The following NAV1 variants were observed in gnomAD, a reference collection of about 807,000 sequenced individuals.
NAV1 encodes the protein neuron navigator 1.
Under a neutral mutation model 175.2 loss-of-function variants are expected in NAV1, and 18 were observed. The observed-to-expected ratio is 0.10, with a 90% confidence interval of 0.07 to 0.15. The LOEUF (loss-of-function observed/expected upper bound fraction) is 0.15. Ranked by LOEUF, NAV1 falls within the 10% of genes least tolerant of loss-of-function variation. The pLI is 1.00. For missense variants in NAV1, 1,731 were observed against 2,436.6 expected (o/e 0.71, Z 6.10); for synonymous variants, 897 against 978.7 (o/e 0.92, Z 1.56).
intron 2 of NAV1, among the ~76,000 whole-genome samples, chr1:201,593,713 C>T (rs772078774): frequency 1.3e-5 from 2 of 152,174 alleles, no homozygotes; most frequent in African/African-American, 2.4e-5. Flanking sequence ...GGCAGTTTAG[C>T]ATGTGTCTGA....
chr1:201,685,078 A>AT (rs1558065237), intron 1 of NAV1, among the ~76,000 whole-genome samples: 1 of 151,518 alleles, frequency 6.6e-6, no homozygotes, highest in African/African-American at 2.4e-5. Context: ...AGAAATTCGC[A>AT]CTGGCCAACA....
chr1:201,715,405 C>T (rs1221244592), intron 2 of NAV1, among the ~76,000 whole-genome samples: 1 of 152,154 alleles, frequency 6.6e-6, no homozygotes, highest in African/African-American at 2.4e-5. Context: ...GGTAATCCAC[C>T]CACTTCGGCC....
chr1:201,725,572 T>C (rs977535444), intron 3 of NAV1, among the ~76,000 whole-genome samples: 1 of 151,112 alleles, frequency 6.6e-6, no homozygotes, highest in Non-Finnish European at 1.5e-5. Flanking sequence ...AGCCCAGGAG[T>C]TGGGGCGGGG....
chr1:201,607,121 T>TTC (rs1436085864), intron 2 of NAV1, among the ~76,000 whole-genome samples: 7 of 138,424 alleles, frequency 5.1e-5, no homozygotes, highest in Non-Finnish European at 8.0e-5. Flanking sequence ...TTTTCTTTTT[T>TTC]TTTTTTTTTT....
upstream of NAV1, among the ~76,000 whole-genome samples, chr1:201,618,544 G>A (rs888565865): frequency 6.6e-6 from 1 of 152,092 alleles, no homozygotes; most frequent in Non-Finnish European, 1.5e-5. Flanking sequence ...GCTCCAATCA[G>A]AGCAAGGTCA....
At chr1:201,656,585 T>C (rs964558543) in intron 1 of NAV1, among the ~76,000 whole-genome samples, 3 of 152,158 alleles carry the variant, frequency 2.0e-5, no homozygotes, top group East Asian at 1.9e-4. Context: ...ATTGGGTTAA[T>C]AGGTTGTATG....
At chr1:201,548,322 C>G (rs1038094409) in intron 1 of NAV1, among the ~76,000 whole-genome samples, 2 of 152,252 alleles carry the variant, frequency 1.3e-5, no homozygotes, top group South Asian at 2.1e-4. Flanking sequence ...TTTCTTGAAG[C>G]CAGAATTCAA....
chr1:201,687,327 A>C (rs1670725397), intron 1 of NAV1, among the ~76,000 whole-genome samples: 1 of 152,168 alleles, frequency 6.6e-6, no homozygotes, highest in African/African-American at 2.4e-5. Context: ...CCAAGGATAC[A>C]TCTATTGTGT....
intron 2 of NAV1, among the ~76,000 whole-genome samples, chr1:201,594,516 G>A (rs1667297814): frequency 6.6e-6 from 1 of 152,206 alleles, no homozygotes; most frequent in African/African-American, 2.4e-5. Context: ...TTTGGTGGCA[G>A]AGCTCCCCAT....
At chr1:201,739,043 T>G (rs547966466) in intron 3 of NAV1, among the ~76,000 whole-genome samples, 1 of 152,218 alleles carries the variant, frequency 6.6e-6, no homozygotes, top group Non-Finnish European at 1.5e-5. Context: ...GAGAGTGAAG[T>G]TACCAGGAGG....
intron 2 of NAV1, among the ~76,000 whole-genome samples, chr1:201,598,534 G>A (rs1438473262): frequency 6.6e-6 from 1 of 152,230 alleles, no homozygotes; most frequent in Non-Finnish European, 1.5e-5. Context: ...GGAACTGCCT[G>A]AGTTAGGGTG....
At chr1:201,771,500 GA>G (rs55864064) in intron 3 of NAV1, among the ~76,000 whole-genome samples, 43,369 of 87,028 alleles carry the variant, frequency 0.5, 7,353 homozygotes, top group African/African-American at 0.54. Context: ...ACTTCGTCTA[GA>G]AAAAAAAAAA....
chr1:201,693,157 C>T (rs1318102077), intron 1 of NAV1, among the ~76,000 whole-genome samples: 2 of 152,180 alleles, frequency 1.3e-5, no homozygotes, highest in Non-Finnish European at 2.9e-5. Context: ...GGAAGGCCTA[C>T]AACATATCAG....
At chr1:201,622,813 G>A (rs1668214079), upstream of NAV1, 16 of 985,014 alleles carry the variant, frequency 1.6e-5, no homozygotes, top group Non-Finnish European at 1.7e-5. Context: ...AGCTTGTGGG[G>A]ATGTGCCTGA....
intron 3 of NAV1, among the ~76,000 whole-genome samples, chr1:201,736,476 A>G (rs1469415949): frequency 1.3e-5 from 2 of 152,176 alleles, no homozygotes; most frequent in Admixed American, 6.5e-5. Flanking sequence ...CCCATAAACT[A>G]TCTTTCGATG....
intron 1 of NAV1, among the ~76,000 whole-genome samples, chr1:201,701,530 C>T (rs1031053233): frequency 9.9e-5 from 15 of 152,106 alleles, no homozygotes; most frequent in Non-Finnish European, 1.8e-4. Flanking sequence ...GCAGTAGCTA[C>T]GAGCTGGTGT....
chr1:201,601,188 T>G (rs1667500399), intron 2 of NAV1, among the ~76,000 whole-genome samples: 1 of 152,232 alleles, frequency 6.6e-6, no homozygotes, highest in Non-Finnish European at 1.5e-5. Flanking sequence ...TCAACAATCA[T>G]GTTGGAATCC....
At chr1:201,798,116 T>C (rs899670510) in intron 15 of NAV1, 14 of 152,346 alleles carry the variant, frequency 9.2e-5, no homozygotes, top group African/African-American at 3.4e-4. Flanking sequence ...CCCAAGCCTC[T>C]AATACGAGAA....
chr1:201,790,482 C>A, intron 11 of NAV1, 72 bp from the exon 16 acceptor site: 1 of 1,550,544 alleles, frequency 6.4e-7, no homozygotes, highest in Non-Finnish European at 8.9e-7. Flanking sequence ...GCCACTGGGA[C>A]CTGACTTCTT....
Sources: gnomAD v4.1 joint callset for allele counts (sites outside exome capture counted in the v4.1 genomes callset) on GRCh38, gnomAD v4.1.1 for gene constraint, MANE v1.5 for transcripts, NCBI Gene and HGNC (gene_info 2026-07-23, HGNC 2026-07-21) for gene names.